The following GPT2 variants were observed in gnomAD, a reference collection of about 807,000 sequenced individuals.
The protein encoded by GPT2 is glutamic--pyruvic transaminase 2.
In GPT2, 30 loss-of-function variants were observed where a neutral mutation model predicts 56.9. That is an observed-to-expected ratio of 0.53 (90% confidence interval 0.39 to 0.72). The LOEUF is 0.72. Among genes scored for constraint, GPT2 ranks in the 30% least tolerant of loss-of-function variants. The probability of loss-of-function intolerance (pLI) is 0.00; values close to 1 mark genes in which losing one functional copy is unlikely to be tolerated. For missense variants in GPT2, 542 were observed against 703.4 expected (o/e 0.77, Z 2.60); for synonymous variants, 271 against 283.1 (o/e 0.96, Z 0.43).
intron 2 of GPT2, among the ~76,000 whole-genome samples, chr16:46,887,560 C>T (rs143983771): frequency 6.6e-6 from 1 of 152,092 alleles, no homozygotes; most frequent in Non-Finnish European, 1.5e-5. Flanking sequence ...CTCAGGTTCC[C>T]TAGAGTATAA....
Position 46,930,193 on chromosome 16 carries a change from A to G in GPT2, c.*1196A>G, listed in dbSNP as rs576109142. ...TGTGGCATCAGGCTTCTCCCAGTACAGGAGGGTGCCATCCCCCAGCATGCG... is the reference window on the plus strand; with the variant it reads ...TGTGGCATCAGGCTTCTCCCAGTACGGGAGGGTGCCATCCCCCAGCATGCG... On this transcript the variant is annotated 3_prime_UTR_variant, in exon 12 of 12. Transcript: ENST00000340124. 2 of 152,800 alleles carry G rather than the reference A, an allele frequency of 1.3e-5. No individual in the cohort carries two copies. The highest frequency in any genetic ancestry group is 1.9e-4 in the East Asian group (1 of 5,188). The allele number at this position is 152,800 out of a possible 1,614,324, so 9.5% of individuals were successfully genotyped here.
chr16:46,905,844 A>G (rs768711713), intron 4 of GPT2, among the ~76,000 whole-genome samples: 1 of 152,236 alleles, frequency 6.6e-6, no homozygotes, highest in South Asian at 2.1e-4. Flanking sequence ...TTTCTAGTCA[A>G]TACCCCCACC....
At chr16:46,928,450 C>T (rs985252675) in intron 11 of GPT2, among the ~76,000 whole-genome samples, 1 of 151,902 alleles carries the variant, frequency 6.6e-6, no homozygotes, top group African/African-American at 2.4e-5. Flanking sequence ...TGGTGAAACC[C>T]CGTCTCTTCT....
At chr16:46,895,122 C>T (rs1460751893) in intron 2 of GPT2, among the ~76,000 whole-genome samples, 2 of 152,120 alleles carry the variant, frequency 1.3e-5, no homozygotes, top group African/African-American at 4.8e-5. Context: ...TCTTCAGTCC[C>T]CCATGCCTCC....
chr16:46,897,317 G>C (rs1960702414), intron 2 of GPT2, among the ~76,000 whole-genome samples: 1 of 152,166 alleles, frequency 6.6e-6, no homozygotes, highest in African/African-American at 2.4e-5. Flanking sequence ...AGGTTGCAGT[G>C]AGCTGAGATG....
chr16:46,919,998 G>A (rs550754369), intron 8 of GPT2, among the ~76,000 whole-genome samples: 1 of 152,336 alleles, frequency 6.6e-6, no homozygotes, highest in Admixed American at 6.5e-5. Context: ...CTCGAGGCCA[G>A]GAGTTTGAGA....
intron 9 of GPT2, 114 bp from the exon 10 acceptor site, chr16:46,924,275 G>A: frequency 8.2e-7 from 1 of 1,218,266 alleles, no homozygotes; most frequent in Non-Finnish European, 1.2e-6. Context: ...TGTGTTCAAA[G>A]CTGGAGCAAA....
intron 4 of GPT2, among the ~76,000 whole-genome samples, chr16:46,901,291 C>T (rs920473857): frequency 2.6e-5 from 4 of 152,290 alleles, no homozygotes; most frequent in African/African-American, 9.6e-5. Flanking sequence ...TGCCAGTACC[C>T]CCTGGTACTT....
intron 10 of GPT2, among the ~76,000 whole-genome samples, chr16:46,926,069 T>G (rs1294884121): frequency 6.9e-6 from 1 of 145,972 alleles, no homozygotes. Context: ...AGCTGGAGGT[T>G]GTAGTGAGCC....
At chr16:46,895,493 C>T (rs1355030176) in intron 2 of GPT2, among the ~76,000 whole-genome samples, 1 of 151,958 alleles carries the variant, frequency 6.6e-6, no homozygotes, top group Non-Finnish European at 1.5e-5. Flanking sequence ...CCATTGCACT[C>T]CAGTCTGGGT....
intron 5 of GPT2, among the ~76,000 whole-genome samples, chr16:46,907,921 C>T (rs1960966653): frequency 6.6e-6 from 1 of 151,974 alleles, no homozygotes; most frequent in African/African-American, 2.4e-5. Flanking sequence ...AGTGGAGTTA[C>T]TTGCAGTGGA....
chr16:46,916,821 T>C, intron 7 of GPT2, 114 bp downstream of exon 7: 1 of 781,946 alleles, frequency 1.3e-6, no homozygotes, highest in South Asian at 1.4e-5. Context: ...GGAGGAATGA[T>C]TCTGGCCTAG....
chr16:46,885,185 TC>T, intron 2 of GPT2: 1 of 1,273,088 alleles, frequency 7.9e-7, no homozygotes, highest in Non-Finnish European at 9.9e-7. Flanking sequence ...TGAATTGAAT[TC>T]GTCAATTGTT....
At chr16:46,892,010 A>AACTTG (rs572621990) in intron 2 of GPT2, among the ~76,000 whole-genome samples, 158 of 152,156 alleles carry the variant, frequency 1.0e-3, no homozygotes, top group African/African-American at 3.8e-3. Flanking sequence ...AATAAGTTAC[A>AACTTG]ACTTGCAAAA....
intron 2 of GPT2, among the ~76,000 whole-genome samples, chr16:46,886,796 C>A (rs1051501171): frequency 6.6e-6 from 1 of 152,088 alleles, no homozygotes; most frequent in African/African-American, 2.4e-5. Flanking sequence ...TGCAGGTGGG[C>A]AAATTTCTTG....
At chr16:46,898,297 G>A (rs375172201) in intron 3 of GPT2, among the ~76,000 whole-genome samples, 5 of 152,302 alleles carry the variant, frequency 3.3e-5, no homozygotes, top group East Asian at 1.9e-4. Flanking sequence ...ACTGTGAGCC[G>A]CTGCACCCCT....
intron 4 of GPT2, among the ~76,000 whole-genome samples, chr16:46,901,144 C>T (rs1032544216): frequency 6.6e-6 from 1 of 152,216 alleles, no homozygotes; most frequent in Non-Finnish European, 1.5e-5. Context: ...CAGTTTTGTT[C>T]AGCATCCTTG....
chr16:46,921,525 G>C (rs1305398320), intron 8 of GPT2, among the ~76,000 whole-genome samples: 2 of 152,104 alleles, frequency 1.3e-5, no homozygotes, highest in Non-Finnish European at 2.9e-5. Context: ...TCTGAGGCTG[G>C]GGGTGGGGGA....
chr16:46,914,996 C>T (rs1227680706), intron 6 of GPT2, among the ~76,000 whole-genome samples: 1 of 152,112 alleles, frequency 6.6e-6, no homozygotes, highest in Non-Finnish European at 1.5e-5. Flanking sequence ...TAGCTCACTG[C>T]AGCCTCAAAC....
Sources: gnomAD v4.1 joint callset for allele counts (sites outside exome capture counted in the v4.1 genomes callset) on GRCh38, gnomAD v4.1.1 for gene constraint, MANE v1.5 for transcripts, NCBI Gene and HGNC (gene_info 2026-07-23, HGNC 2026-07-21) for gene names.